The following EWSR1 variants were observed in gnomAD, a reference collection of about 807,000 sequenced individuals.
EWSR1 encodes the protein RNA-binding protein EWS.
EWSR1 carries 14 observed loss-of-function variants against 92.1 expected under a neutral mutation model. That is an observed-to-expected ratio of 0.15 (90% confidence interval 0.10 to 0.24). EWSR1 has a LOEUF of 0.24. EWSR1 is among the 10% of genes least tolerant of loss of function. EWSR1 has a pLI of 1.00. For synonymous variants in EWSR1, 303 were observed against 292.9 expected (o/e 1.03, Z -0.35); for missense variants, 637 against 870.9 (o/e 0.73, Z 3.38).
chr22:29,280,869 T>TGTTG (rs1569073089), intron 5 of EWSR1, among the ~76,000 whole-genome samples: 2 of 29,962 alleles, frequency 6.7e-5, no homozygotes, highest in African/African-American at 3.9e-4. Flanking sequence ...GTTGTTTTTT[T>TGTTG]TTTTTTTTTT....
At chr22:29,268,904 T>C (rs1194287040) in intron 1 of EWSR1, among the ~76,000 whole-genome samples, 1 of 152,248 alleles carries the variant, frequency 6.6e-6, no homozygotes, top group African/African-American at 2.4e-5. Flanking sequence ...CTGGGGCGTC[T>C]GGCGCTGCCG....
At chr22:29,299,535 A>G in intron 15 of EWSR1, 64 bp from the exon 16 acceptor site, 1 of 1,524,136 alleles carries the variant, frequency 6.6e-7, no homozygotes, top group Non-Finnish European at 8.8e-7. Context: ...AGCAGCTTCC[A>G]CAGTGTCCAC....
At chr22:29,291,976 A>G (rs1352210872) in intron 9 of EWSR1, 161 bp from the exon 10 acceptor site, 3 of 687,954 alleles carry the variant, frequency 4.4e-6, no homozygotes, top group Admixed American at 2.6e-5. Flanking sequence ...CCTTTCACAA[A>G]TGTTAAAGAG....
intron 9 of EWSR1, 105 bp from the exon 10 acceptor site, chr22:29,292,032 T>A (rs148980456): frequency 1.0e-6 from 1 of 962,698 alleles, no homozygotes; most frequent in Non-Finnish European, 1.7e-6. Context: ...GTTTAATGAA[T>A]CCCCATCAAA....
intron 4 of EWSR1, chr22:29,275,547 G>A (rs527936413): frequency 2.2e-5 from 5 of 224,690 alleles, no homozygotes; most frequent in African/African-American, 1.1e-4. Flanking sequence ...AACTTTTGGG[G>A]TATAAAAACA....
intron 12 of EWSR1, 148 bp from the exon 13 acceptor site, chr22:29,297,675 CAAAA>C (rs1394914841): frequency 3.8e-6 from 4 of 1,043,972 alleles, no homozygotes; most frequent in South Asian, 1.6e-5. Flanking sequence ...ACTCCCATCT[CAAAA>C]AAAGCCTTTT....
intron 8 of EWSR1, chr22:29,290,165 C>A: frequency 2.6e-6 from 1 of 377,734 alleles, no homozygotes; most frequent in Non-Finnish European, 4.8e-6. Context: ...TAGAAGAGAC[C>A]ATGGCTTTCC....
intron 8 of EWSR1, chr22:29,289,183 A>G (rs913754751): frequency 4.2e-6 from 1 of 239,136 alleles, no homozygotes. Context: ...TATATACTGC[A>G]GAAAAGGAAT....
chr22:29,299,546 A>G (rs2147845048), intron 15 of EWSR1, 53 bp from the exon 16 acceptor site: 1 of 1,542,024 alleles, frequency 6.5e-7, no homozygotes. Context: ...CAGTGTCCAC[A>G]GGGCCTCTGC....
chr22:29,274,335 C>T, intron 4 of EWSR1: 1 of 1,593,098 alleles, frequency 6.3e-7, no homozygotes. Flanking sequence ...TCTTGTCTAA[C>T]CCTGTAATGT....
chr22:29,269,536 T>TA (rs1009148115), intron 1 of EWSR1: 2 of 152,172 alleles, frequency 1.3e-5, no homozygotes, highest in African/African-American at 4.8e-5. Context: ...TTCCAGGCCT[T>TA]AGAGACAGTG....
chr22:29,298,430 TG>T (rs148597269), intron 13 of EWSR1, among the ~76,000 whole-genome samples: 18 of 146,104 alleles, frequency 1.2e-4, no homozygotes, highest in Admixed American at 1.4e-4. Flanking sequence ...TGTTTGAATC[TG>T]GGGGGGTGGA....
At chr22:29,280,947 T>C (rs894834801) in intron 5 of EWSR1, among the ~76,000 whole-genome samples, 1 of 136,138 alleles carries the variant, frequency 7.3e-6, no homozygotes, top group African/African-American at 2.7e-5. Context: ...TGGCGCCATC[T>C]CAGCTCACTG....
chr22:29,299,905 C>G (rs927622464), intron 16 of EWSR1, 54 bp downstream of exon 16: 1 of 1,531,668 alleles, frequency 6.5e-7, no homozygotes, highest in African/African-American at 1.4e-5. Flanking sequence ...AGAGGACAGC[C>G]CTTCCCAGCT....
At chr22:29,298,702 G>A (rs761738832) in intron 13 of EWSR1, 31 bp from the exon 14 acceptor site, 6 of 1,611,904 alleles carry the variant, frequency 3.7e-6, no homozygotes, top group South Asian at 2.2e-5. Context: ...ACAGAGAAAT[G>A]ATTTGCTGTT....
chr22:29,277,501 A>C, intron 4 of EWSR1: 1 of 227,086 alleles, frequency 4.4e-6, no homozygotes, highest in Non-Finnish European at 8.7e-6. Flanking sequence ...GCTTGGGACC[A>C]AAAGAAAGTG....
intron 12 of EWSR1, 142 bp from the exon 13 acceptor site, chr22:29,297,685 C>T: frequency 8.4e-7 from 1 of 1,196,146 alleles, no homozygotes; most frequent in Non-Finnish European, 1.2e-6. Flanking sequence ...CAAAAAAAGC[C>T]TTTTTCTGGC....
In EWSR1 at chr22:29,297,843, G is replaced by A. The variant is rs1484316669; in HGVS notation, c.1311G>A (p.Gly437=). Residue 437 remains glycine (G), a synonymous_variant, in exon 13 of 17, where the codon GGG becomes GGA. Transcript: ENST00000397938. ...TTGTTCCAGGGAAAGATTTTCAAGG[G>A]AGCAAACTTAAAGTCTCCCTTGCTC... The part of the protein sequence containing the change: ...VEWFDGKDFQ[G]SKLKVSLARK... 2 of 1,613,872 alleles carry A rather than the reference G, an allele frequency of 1.2e-6. No individual in the cohort carries two copies. Among genetic ancestry groups the A allele is most frequent in the African/African-American group, 2.7e-5 (2 of 74,872 alleles).
chr22:29,299,078 G>A (rs2061125418), intron 14 of EWSR1, 156 bp from the exon 15 acceptor site: 1 of 1,462,864 alleles, frequency 6.8e-7, no homozygotes, highest in Non-Finnish European at 9.4e-7. Context: ...GATTTGACCT[G>A]TCCTGTGGGT....
Sources: allele counts gnomAD v4.1 joint callset (sites outside exome capture counted in the v4.1 genomes callset), GRCh38; gene constraint gnomAD v4.1.1; transcripts MANE v1.5; gene names NCBI Gene and HGNC (gene_info 2026-07-23, HGNC 2026-07-21).